GC: variants seen among roughly 807,000 people sequenced by gnomAD.
GC encodes vitamin D-binding protein.
GC carries 43 observed loss-of-function variants against 56.7 expected under a neutral mutation model. The observed-to-expected ratio is 0.76, with a 90% CI of 0.59 to 0.98. GC has a LOEUF of 0.98. GC is among the 50% of genes least tolerant of loss of function. GC has a pLI of 0.00. For synonymous variants in GC, 216 were observed against 202.7 expected (o/e 1.07, Z -0.56); for missense variants, 529 against 545.9 (o/e 0.97, Z 0.31).
At chr4:71,742,940 C>G (rs1187160300) in intron 12 of GC, among the ~76,000 whole-genome samples, 1 of 152,174 alleles carries the variant, frequency 6.6e-6, no homozygotes, top group Non-Finnish European at 1.5e-5. Flanking sequence ...TGCCACTGCA[C>G]TCCAGACTGG....
At chr4:71,793,523 T>C (rs1185942553) in intron 1 of GC, among the ~76,000 whole-genome samples, 2 of 152,264 alleles carry the variant, frequency 1.3e-5, no homozygotes, top group Non-Finnish European at 2.9e-5. Context: ...GAGACTTTGC[T>C]GAAATTGCTT....
chr4:71,755,322 C>T (rs1352371150), intron 8 of GC, among the ~76,000 whole-genome samples: 1 of 151,828 alleles, frequency 6.6e-6, no homozygotes, highest in Admixed American at 6.6e-5. Context: ...ACCACCATGC[C>T]CGGCTAAGTT....
At chr4:71,796,488 C>T (rs1743109551) in intron 1 of GC, among the ~76,000 whole-genome samples, 1 of 152,184 alleles carries the variant, frequency 6.6e-6, no homozygotes, top group African/African-American at 2.4e-5. Context: ...TCACAAAGTT[C>T]TCTTGCCATG....
At chr4:71,762,310 AT>A (rs1430431881) in intron 6 of GC, among the ~76,000 whole-genome samples, 2 of 151,828 alleles carry the variant, frequency 1.3e-5, no homozygotes, top group Admixed American at 6.6e-5. Flanking sequence ...GTTTTGGCCA[AT>A]TTTTCCCATT....
intron 6 of GC, among the ~76,000 whole-genome samples, chr4:71,762,173 T>C (rs1028972628): frequency 2.0e-5 from 3 of 152,130 alleles, no homozygotes; most frequent in Admixed American, 1.3e-4. Context: ...CCCAAGACCA[T>C]GGGAATATGC....
At position 71,758,255 on chromosome 4, in the gene GC, A is replaced by T. The variant is rs1741851601; in HGVS notation, c.702-84T>A. ...TGATGAACGCACTATTTGGAGAAAT[A>T]ATATCACAATTTCACCTCCTTGGCC... On this transcript the variant is annotated intron_variant, in intron 6 of 12. Coordinates refer to ENST00000273951, the MANE Select transcript of GC (RefSeq NM_000583.4). 5 of 1,225,722 alleles carry T rather than the reference A, an allele frequency of 4.1e-6. No individual in the cohort carries two copies. The African/African-American group carries it at 6.0e-5, about 15-fold the overall frequency. The allele number at this position is 1,225,722 out of a possible 1,614,324, so 75.9% of individuals were successfully genotyped here. A position where few individuals can be genotyped will look rare whatever the true frequency, so the allele number is the denominator to read the frequency against.
At position 71,759,784 on chromosome 4, in the gene GC, G is replaced by A. The variant is rs76714399; in HGVS notation, c.702-1613C>T. ...CTTATAGAAGTTCCTTATATATTCCGAATATTAAACCCTTATCAGATAGCT... is the reference window on the plus strand; with the variant it reads ...CTTATAGAAGTTCCTTATATATTCCAAATATTAAACCCTTATCAGATAGCT... On this transcript the variant is annotated intron_variant, in intron 6 of 12. Transcript: ENST00000273951. Among the ~76,000 whole-genome samples, 971 of 152,164 alleles carry A rather than the reference G, an allele frequency of 6.4e-3. 5 individuals carry two copies. Among genetic ancestry groups the A allele is most frequent in the Middle Eastern group, 0.014 (4 of 294 alleles).
At position 71,756,924 on chromosome 4, in the gene GC, G is replaced by A. The variant is rs369153093; in HGVS notation, c.832-10C>T. On this transcript the variant is annotated splice_polypyrimidine_tract_variant and intron_variant, in intron 7 of 12. Coordinates refer to ENST00000273951, the MANE Select transcript of GC (RefSeq NM_000583.4). ...CTGTGTGTTCAGGCAGCTACAAAAC[G>A]AATGGTTAGTTTGTGCATTGTTAGT... 2.2e-5 allele frequency: 35 copies of A among 1,575,812 alleles called. No individual in the cohort carries two copies. Among genetic ancestry groups the A allele is most frequent in the African/African-American group, 5.4e-5 (4 of 74,326 alleles).
intron 3 of GC, among the ~76,000 whole-genome samples, chr4:71,766,361 C>T (rs1742159070): frequency 6.6e-6 from 1 of 152,174 alleles, no homozygotes; most frequent in South Asian, 2.1e-4. Flanking sequence ...GATGCACCTG[C>T]ATTTACTGCT....
chr4:71,786,390 G>GA (rs1489025919), upstream of GC, among the ~76,000 whole-genome samples: 4 of 151,718 alleles, frequency 2.6e-5, no homozygotes, highest in Non-Finnish European at 4.4e-5. Flanking sequence ...GTCAGATGGG[G>GA]AAAAAATGGG....
chr4:71,800,193 C>T (rs756575706), intron 1 of GC, among the ~76,000 whole-genome samples: 1 of 152,012 alleles, frequency 6.6e-6, no homozygotes, highest in Non-Finnish European at 1.5e-5. Context: ...AGGTATTAAG[C>T]CCTGCATGCT....
In GC at chr4:71,756,741, A is replaced by G. The variant is rs1039030011; in HGVS notation, c.1005T>C (p.Cys335=). 1 of 1,613,390 alleles carries G rather than the reference A, an allele frequency of 6.2e-7. No homozygotes were observed. Among genetic ancestry groups the G allele is most frequent in the Non-Finnish European group, 8.5e-7 (1 of 1,179,482 alleles). The change falls in exon 8 of 13, where the codon TGT becomes TGC. Residue 335 remains cysteine (C), a synonymous_variant. Transcript: ENST00000273951. ...CCATGACTTTGGTGTTTCCTGGATC[A>G]CACACATCTTTGTTTGTGGGCAACT... ...DVELPTNKDV[C]DPGNTKVMDK...
chr4:71,788,125 A>T (rs1444565358), upstream of GC, among the ~76,000 whole-genome samples: 2 of 152,000 alleles, frequency 1.3e-5, no homozygotes, highest in African/African-American at 4.8e-5. Context: ...TAATGAAGGA[A>T]TTTAAATGCC....
chr4:71,756,900 T>A lies in GC; in HGVS notation c.846A>T (p.Thr282=). 6.2e-7 allele frequency: 1 copy of A among 1,611,856 alleles called. No individual in the cohort carries two copies. The highest frequency in any genetic ancestry group is 8.5e-7 in the Non-Finnish European group (1 of 1,177,916). Residue 282 remains threonine, a synonymous_variant, in exon 8 of 13, where the codon ACA becomes ACT. Coordinates refer to ENST00000273951, the MANE Select transcript of GC (RefSeq NM_000583.4). The part of the protein sequence containing the change: ...DCMAKELPEH[T]VKLCDNLSTK... The stretch of plus-strand genomic sequence containing the variant: ...TGGATAAATTGTCACAGAGTTTTAC[T>A]GTGTGTTCAGGCAGCTACAAAACGA...
In GC at chr4:71,763,909, G is replaced by A. The variant is rs149884974; in HGVS notation, c.501C>T (p.Tyr167=). 310 of 1,610,360 alleles carry A rather than the reference G, an allele frequency of 1.9e-4. 3 individuals are homozygous for A. The African/African-American group carries it at 3.1e-3, about 16-fold the overall frequency. The part of the protein sequence containing the change: ...NQFMWEYSTN[Y]GQAPLSLLVS... The stretch of plus-strand genomic sequence containing the variant: ...CTAAAAGTGACAGAGGAGCTTGTCC[G>A]TAATTAGTGGAATATTCCCACATAA... The change falls in exon 5 of 13, where the codon TAC becomes TAT. Residue 167 remains tyrosine, a synonymous_variant. Coordinates refer to ENST00000273951, the MANE Select transcript of GC (RefSeq NM_000583.4).
chr4:71,744,301 AAAC>A (rs1246334414), intron 12 of GC, among the ~76,000 whole-genome samples: 2 of 150,570 alleles, frequency 1.3e-5, no homozygotes, highest in African/African-American at 2.4e-5. Context: ...AAAAAAAAAA[AAAC>A]CCAAATTAGC....
intron 1 of GC, among the ~76,000 whole-genome samples, chr4:71,793,048 G>C (rs2149309361): frequency 6.6e-6 from 1 of 152,312 alleles, no homozygotes; most frequent in Non-Finnish European, 1.5e-5. Context: ...GTACCATGCT[G>C]TTTTGGTTAC....
At chr4:71,800,326 G>A (rs1743219429) in intron 1 of GC, among the ~76,000 whole-genome samples, 2 of 152,088 alleles carry the variant, frequency 1.3e-5, no homozygotes, top group African/African-American at 4.8e-5. Flanking sequence ...GTGAGAACAT[G>A]CAGTGTTTGG....
At chr4:71,773,955 T>C (rs1324959029) in intron 1 of GC, among the ~76,000 whole-genome samples, 3 of 152,124 alleles carry the variant, frequency 2.0e-5, no homozygotes, top group Admixed American at 2.0e-4. Flanking sequence ...GCAGTGTTTA[T>C]TCAAACTAGT....
Sources: allele counts gnomAD v4.1 joint callset (sites outside exome capture counted in the v4.1 genomes callset), GRCh38; gene constraint gnomAD v4.1.1; transcripts MANE v1.5; gene names NCBI Gene and HGNC (gene_info 2026-07-23, HGNC 2026-07-21).